The following NLGN1 variants were observed in gnomAD, a reference collection of about 807,000 sequenced individuals.
NLGN1 encodes neuroligin-1.
In NLGN1, 12 loss-of-function variants were observed where a neutral mutation model predicts 65.5. The ratio of observed to expected loss-of-function variants is 0.18; its 90% CI spans 0.12 to 0.30. The LOEUF is 0.30. Ranked by LOEUF, NLGN1 falls within the 10% of genes least tolerant of loss-of-function variation. The pLI is 1.00. For missense variants in NLGN1, 750 were observed against 1,007.1 expected (o/e 0.74, Z 3.46); for synonymous variants, 350 against 359.5 (o/e 0.97, Z 0.30).
chr3:173,958,314 G>A lies in NLGN1; in HGVS notation c.646+150482G>A, dbSNP rs137927450. On this transcript the variant is annotated intron_variant, in intron 4 of 6. Transcript: ENST00000457714. ...AAGTGGAGGTTGAGCAAGGTAAAGA[G>A]GAGCTTTACTGCGTGACAGAATAGC... Among the ~76,000 whole-genome samples, 613 of 152,308 alleles carry A rather than the reference G, an allele frequency of 4.0e-3. 6 individuals carry two copies. Among genetic ancestry groups the A allele is most frequent in the African/African-American group, 0.014 (567 of 41,552 alleles).
intron 4 of NLGN1, among the ~76,000 whole-genome samples, chr3:173,913,339 G>A (rs1195372914): frequency 6.6e-6 from 1 of 152,156 alleles, no homozygotes; most frequent in African/African-American, 2.4e-5. Context: ...AGATTTAGAT[G>A]TTTGATACCC....
At chr3:173,588,597 A>G (rs1422635172) in intron 2 of NLGN1, among the ~76,000 whole-genome samples, 1 of 152,196 alleles carries the variant, frequency 6.6e-6, no homozygotes, top group African/African-American at 2.4e-5. Flanking sequence ...GGGGATTTTT[A>G]TATGAATTCT....
intron 4 of NLGN1, among the ~76,000 whole-genome samples, chr3:173,956,786 T>C (rs941675175): frequency 2.6e-4 from 39 of 152,184 alleles, no homozygotes; most frequent in African/African-American, 9.2e-4. Flanking sequence ...TGTTGATAAA[T>C]AGCATTAAAT....
At chr3:173,517,764 A>ATCTC (rs1734054875) in intron 2 of NLGN1, among the ~76,000 whole-genome samples, 1 of 149,018 alleles carries the variant, frequency 6.7e-6, no homozygotes, top group South Asian at 2.1e-4. Context: ...CTATCTATCT[A>ATCTC]TCTATCTATC....
chr3:173,461,086 T>C (rs768785425), intron 2 of NLGN1, among the ~76,000 whole-genome samples: 1 of 152,152 alleles, frequency 6.6e-6, no homozygotes, highest in South Asian at 2.1e-4. Context: ...GGCGGTCTAT[T>C]ATAAGCAAGG....
At chr3:173,971,130 T>A (rs2152373991) in intron 4 of NLGN1, among the ~76,000 whole-genome samples, 1 of 151,940 alleles carries the variant, frequency 6.6e-6, no homozygotes, top group East Asian at 1.9e-4. Context: ...TATTTGAAAA[T>A]TATGTGGAAA....
chr3:174,174,593 T>C (rs901388124), intron 4 of NLGN1, among the ~76,000 whole-genome samples: 2 of 152,108 alleles, frequency 1.3e-5, no homozygotes, highest in Admixed American at 1.3e-4. Flanking sequence ...TGAGCATTTT[T>C]TCATATGCTT....
At chr3:173,408,331 T>C (rs997581356) in intron 1 of NLGN1, among the ~76,000 whole-genome samples, 1 of 152,212 alleles carries the variant, frequency 6.6e-6, no homozygotes, top group African/African-American at 2.4e-5. Flanking sequence ...AATCTGTCTT[T>C]TAATGCTCAT....
rs561931670 is a variant in NLGN1, at chr3:173,439,886, A to G, written c.-321+4808A>G. Among the ~76,000 whole-genome samples, 9 of 152,208 alleles carry G rather than the reference A, an allele frequency of 5.9e-5. No homozygotes were observed. In the South Asian group the frequency reaches 1.2e-3, roughly 21 times the overall value. Reference sequence around the variant, plus strand: ...TGCTAAAAATTGGGGTGACTCTGGGAACTTTTTCAAATAAGACAGCAATGA... The same window carrying G: ...TGCTAAAAATTGGGGTGACTCTGGGGACTTTTTCAAATAAGACAGCAATGA... On this transcript the variant is annotated intron_variant, in intron 2 of 6. Coordinates refer to ENST00000457714, the Ensembl canonical transcript of NLGN1.
At chr3:173,739,217 G>A (rs1026930649) in intron 3 of NLGN1, among the ~76,000 whole-genome samples, 1 of 151,996 alleles carries the variant, frequency 6.6e-6, no homozygotes, top group Non-Finnish European at 1.5e-5. Flanking sequence ...TATTCCGCTC[G>A]AATAAAGGAG....
chr3:173,624,144 A>C (rs1235137716), intron 3 of NLGN1, among the ~76,000 whole-genome samples: 1 of 152,098 alleles, frequency 6.6e-6, no homozygotes, highest in African/African-American at 2.4e-5. Flanking sequence ...GTATTTGAGC[A>C]AGTCATTTTT....
chr3:173,906,878 C>CAAAAAAA (rs1224471514), intron 4 of NLGN1, among the ~76,000 whole-genome samples: 45 of 88,050 alleles, frequency 5.1e-4, no homozygotes, highest in Admixed American at 1.3e-3. Flanking sequence ...CAAACAAAAA[C>CAAAAAAA]AAAAAAAAAA....
intron 3 of NLGN1, among the ~76,000 whole-genome samples, chr3:173,679,121 G>A (rs1307840959): frequency 3.5e-5 from 5 of 141,414 alleles, no homozygotes; most frequent in East Asian, 2.5e-4. Context: ...TTGCAGCCCC[G>A]ATGTGAAAAA....
rs542072179 is a variant in NLGN1, at chr3:173,915,995, G to A, written c.646+108163G>A. Among the ~76,000 whole-genome samples, 104 of 152,124 alleles carry A rather than the reference G, an allele frequency of 6.8e-4. 1 individual carries two copies. Among genetic ancestry groups the A allele is most frequent in the Non-Finnish European group, 1.0e-3 (70 of 67,982 alleles). ...TTTAGATCGTGAACTTTAATGTGGCGCTCCAAACAGGCCTTGCCTTTACTG... is the reference window on the plus strand; with the variant it reads ...TTTAGATCGTGAACTTTAATGTGGCACTCCAAACAGGCCTTGCCTTTACTG... On this transcript the variant is annotated intron_variant, in intron 4 of 6. Coordinates refer to ENST00000457714, the Ensembl canonical transcript of NLGN1.
intron 2 of NLGN1, among the ~76,000 whole-genome samples, chr3:173,515,933 C>T (rs1733742565): frequency 6.6e-6 from 1 of 151,972 alleles, no homozygotes; most frequent in African/African-American, 2.4e-5. Context: ...CAGTAGCACA[C>T]TATTTTGAGA....
intron 4 of NLGN1, among the ~76,000 whole-genome samples, chr3:174,201,309 G>A (rs1321667351): frequency 1.5e-5 from 2 of 137,838 alleles, no homozygotes; most frequent in Non-Finnish European, 3.1e-5. Flanking sequence ...AGGGAGGGAG[G>A]AAGGGAGGGA....
intron 3 of NLGN1, among the ~76,000 whole-genome samples, chr3:173,621,787 G>A (rs937717645): frequency 3.3e-5 from 5 of 152,090 alleles, no homozygotes. Context: ...AAATGAAATG[G>A]TTGGGAGGAA....
chr3:174,118,263 A>T (rs912319277), intron 4 of NLGN1, among the ~76,000 whole-genome samples: 5 of 151,656 alleles, frequency 3.3e-5, no homozygotes, highest in Admixed American at 1.3e-4. Context: ...TATGTATTTC[A>T]CCTCTTTATC....
chr3:174,231,438 T>C (rs73882727), intron 4 of NLGN1, among the ~76,000 whole-genome samples: 16,799 of 152,124 alleles, frequency 0.11, 1,645 homozygotes, highest in African/African-American at 0.26. Flanking sequence ...AGTCTATGAG[T>C]GGTTAATGTA....
Sources: allele counts gnomAD v4.1 joint callset (sites outside exome capture counted in the v4.1 genomes callset), GRCh38; gene constraint gnomAD v4.1.1; transcripts MANE v1.5; gene names NCBI Gene and HGNC (gene_info 2026-07-23, HGNC 2026-07-21).